The following NVL variants were observed in gnomAD, a reference collection of about 807,000 sequenced individuals.
NVL encodes nuclear valosin-containing protein-like.
NVL carries 84 observed loss-of-function variants against 110.2 expected under a neutral mutation model. That is an observed-to-expected ratio of 0.76 (90% confidence interval 0.64 to 0.91). The LOEUF (loss-of-function observed/expected upper bound fraction) is 0.91, where lower values mean the gene tolerates loss of function less well. Among genes scored for constraint, NVL ranks in the 40% least tolerant of loss-of-function variants. The pLI is 0.00. For synonymous variants in NVL, 354 were observed against 361.1 expected, an observed-to-expected ratio of 0.98 and a Z score of 0.22; for missense variants, 882 against 1,035.9, an observed-to-expected ratio of 0.85 and a Z score of 2.04.
At chr1:224,254,099 T>C (rs1322688842) in intron 18 of NVL, among the ~76,000 whole-genome samples, 1 of 152,186 alleles carries the variant, frequency 6.6e-6, no homozygotes, top group Non-Finnish European at 1.5e-5. Context: ...CAACATGTTT[T>C]TTTTTGTTTT....
chr1:224,309,782 A>G (rs951072733), intron 5 of NVL, among the ~76,000 whole-genome samples: 4 of 152,194 alleles, frequency 2.6e-5, no homozygotes, highest in Non-Finnish European at 5.9e-5. Flanking sequence ...TTATTCCAGC[A>G]CTTTGGGAGG....
chr1:224,233,629 T>A (rs779815883), intron 20 of NVL, among the ~76,000 whole-genome samples: 5 of 152,068 alleles, frequency 3.3e-5, no homozygotes, highest in African/African-American at 4.8e-5. Flanking sequence ...CATGGTGGCA[T>A]GCACCTGTAG....
In NVL at chr1:224,301,562, C is replaced by A. The variant is rs185387685; in HGVS notation, c.961-899G>T. 6.8e-3 allele frequency: 1,260 copies of A among 185,602 alleles called. 9 individuals carry two copies. The highest frequency in any genetic ancestry group is 9.7e-3 in the Non-Finnish European group (834 of 86,056). The allele number at this position is 185,602 out of a possible 1,614,324, so 11.5% of individuals were successfully genotyped here. A position where few individuals can be genotyped will look rare whatever the true frequency, so the allele number is the denominator to read the frequency against. ...TCTTTAAGAAGAGGCCAGGTGTGGACGCCCATGCCTGTAATCCCAGCACTT... is the reference window on the plus strand; with the variant it reads ...TCTTTAAGAAGAGGCCAGGTGTGGAAGCCCATGCCTGTAATCCCAGCACTT... On this transcript the variant is annotated intron_variant, in intron 9 of 22. Coordinates refer to ENST00000281701, the MANE Select transcript of NVL (RefSeq NM_002533.4).
At chr1:224,240,939 C>G (rs1661127013) in intron 19 of NVL, among the ~76,000 whole-genome samples, 3 of 151,914 alleles carry the variant, frequency 2.0e-5, no homozygotes, top group Admixed American at 1.3e-4. Context: ...TACAGATGTA[C>G]ACCACCATAC....
At chr1:224,256,590 A>C (rs575970763) in intron 18 of NVL, among the ~76,000 whole-genome samples, 1 of 152,132 alleles carries the variant, frequency 6.6e-6, no homozygotes, top group East Asian at 1.9e-4. Context: ...TATCACACTT[A>C]ATATTATGCA....
chr1:224,302,949 T>C, intron 9 of NVL: 1 of 309,212 alleles, frequency 3.2e-6, no homozygotes, highest in South Asian at 2.5e-5. Context: ...CTCGGGAGGC[T>C]GAGGTGGGAG....
chr1:224,288,692 G>A (rs2102628200), intron 13 of NVL, among the ~76,000 whole-genome samples: 1 of 152,238 alleles, frequency 6.6e-6, no homozygotes, highest in South Asian at 2.1e-4. Context: ...AGGCTGTATG[G>A]GCTTGAGGAA....
At chr1:224,243,247 C>T (rs1288604930) in intron 19 of NVL, among the ~76,000 whole-genome samples, 1 of 151,156 alleles carries the variant, frequency 6.6e-6, no homozygotes, top group Non-Finnish European at 1.5e-5. Flanking sequence ...ATCGCTTGAG[C>T]TCAGGAGTTC....
At chr1:224,227,757 C>G in intron 22 of NVL, 87 bp from the exon 23 acceptor site, 1 of 1,246,534 alleles carries the variant, frequency 8.0e-7, no homozygotes, top group Non-Finnish European at 1.1e-6. Flanking sequence ...ATGCTGCAGT[C>G]CGCACCCGCA....
chr1:224,285,777 C>T (rs1666798254), intron 15 of NVL, among the ~76,000 whole-genome samples: 1 of 151,970 alleles, frequency 6.6e-6, no homozygotes, highest in Non-Finnish European at 1.5e-5. Flanking sequence ...AAATGTAATA[C>T]ACAGAAAATA....
chr1:224,228,308 CT>C (rs1349511706), intron 22 of NVL, among the ~76,000 whole-genome samples: 1 of 151,992 alleles, frequency 6.6e-6, no homozygotes, highest in Admixed American at 6.6e-5. Flanking sequence ...GCAGAAGCTT[CT>C]TTTTTTGTTT....
intron 2 of NVL, 64 bp downstream of exon 2, chr1:224,326,327 A>G: frequency 1.7e-6 from 2 of 1,204,980 alleles, no homozygotes; most frequent in Non-Finnish European, 2.4e-6. Context: ...TAGGCAGGAT[A>G]TAAACTTTTA....
At chr1:224,228,924 CAAAAAAAAAA>C (rs368485856) in intron 22 of NVL, among the ~76,000 whole-genome samples, 2 of 81,686 alleles carry the variant, frequency 2.4e-5, no homozygotes, top group Non-Finnish European at 4.2e-5. Context: ...GACTCCGTCT[CAAAAAAAAAA>C]AAAAAAAAAA....
chr1:224,272,981 C>A (rs1322798987), intron 17 of NVL, among the ~76,000 whole-genome samples: 2 of 146,014 alleles, frequency 1.4e-5, no homozygotes, highest in African/African-American at 5.1e-5. Flanking sequence ...TTGCAGTGAG[C>A]CGAGATCCCG....
At chr1:224,229,882 AGT>A (rs1271122314) in intron 22 of NVL, among the ~76,000 whole-genome samples, 4 of 152,108 alleles carry the variant, frequency 2.6e-5, no homozygotes, top group African/African-American at 9.7e-5. Context: ...CCGAGGCTGG[AGT>A]ACAATGGTGT....
chr1:224,314,117 G>T (rs941880512), intron 4 of NVL, among the ~76,000 whole-genome samples: 4 of 152,218 alleles, frequency 2.6e-5, no homozygotes, highest in Non-Finnish European at 5.9e-5. Context: ...ATACAAAGTT[G>T]TTGGGAGTAT....
chr1:224,272,128 A>C (rs1053141286), intron 17 of NVL, among the ~76,000 whole-genome samples: 2 of 150,688 alleles, frequency 1.3e-5, no homozygotes, highest in African/African-American at 4.9e-5. Context: ...CTGAGGTTAG[A>C]AGTTCGAGAC....
At chr1:224,281,809 C>T (rs1041971614) in intron 15 of NVL, among the ~76,000 whole-genome samples, 2 of 151,068 alleles carry the variant, frequency 1.3e-5, no homozygotes, top group South Asian at 2.1e-4. Context: ...AAAAATTAGT[C>T]GGGCATGGTG....
chr1:224,314,281 T>C (rs944388979), intron 4 of NVL, among the ~76,000 whole-genome samples: 4 of 152,208 alleles, frequency 2.6e-5, no homozygotes, highest in Non-Finnish European at 4.4e-5. Flanking sequence ...GAGTTATTTA[T>C]TATGCAATAG....
Sources: gnomAD v4.1 joint callset for allele counts (sites outside exome capture counted in the v4.1 genomes callset) on GRCh38, gnomAD v4.1.1 for gene constraint, MANE v1.5 for transcripts, NCBI Gene and HGNC (gene_info 2026-07-23, HGNC 2026-07-21) for gene names.